The following TRIM45 variants were observed in gnomAD, a reference collection of about 807,000 sequenced individuals.
TRIM45 encodes E3 ubiquitin-protein ligase TRIM45.
A neutral mutation model predicts 46.7 loss-of-function variants in TRIM45; 45 were observed. The observed-to-expected ratio is 0.96, with a 90% CI of 0.76 to 1.24. The LOEUF (loss-of-function observed/expected upper bound fraction) is 1.24, where lower values mean the gene tolerates loss of function less well. Among genes scored for constraint, TRIM45 ranks in the 50% most tolerant of loss-of-function variants. The pLI is 0.00. For missense variants in TRIM45, 680 were observed against 728.4 expected, an observed-to-expected ratio of 0.93 and a Z score of 0.77; for synonymous variants, 259 against 285.8, an observed-to-expected ratio of 0.91 and a Z score of 0.94.
chr1:117,115,612 T>C lies in TRIM45; in HGVS notation c.1430A>G (p.Tyr477Cys), dbSNP rs1281229168. Residue 477 changes from tyrosine to cysteine, a missense_variant, in exon 4 of 6, where the codon TAT becomes TGT. Tyr to Cys is a radical substitution (Grantham distance 194). Around this residue, in one of 3 missense-constraint regions of TRIM45, gnomAD observed 322 missense variants for 359.3 expected, o/e 0.90. Coordinates refer to ENST00000256649, the MANE Select transcript of TRIM45 (RefSeq NM_025188.4). This position sits in a 1 kb window ranked among gnomAD's most constrained non-coding sequence, Gnocchi z 4.2. ...ISYTPKEPGV[Y>C]TVWVCIKEQH... ...TTCTTTGATGCAGACCCACACAGTATAGACGCCAGGTTCCTTGGGGGTGTA... is the reference window on the plus strand; with the variant it reads ...TTCTTTGATGCAGACCCACACAGTACAGACGCCAGGTTCCTTGGGGGTGTA... The C allele has an allele frequency of 1.5e-5, 25 of 1,614,062 alleles. No individual in the cohort carries two copies. The highest frequency in any genetic ancestry group is 2.1e-5 in the Non-Finnish European group (25 of 1,180,026).
chr1:117,111,928 C>G lies in TRIM45; in HGVS notation c.*377G>C, dbSNP rs934790232. On this transcript the variant is annotated 3_prime_UTR_variant, in exon 6 of 6. Coordinates refer to ENST00000256649, the MANE Select transcript of TRIM45 (RefSeq NM_025188.4). ...TGCCACTGCACTCCAGCCTGGGTGA[C>G]AGAGTGAGACTCTGTCTTTAAAAAA... 1.5e-5 allele frequency: 2 copies of G among 135,548 alleles called. No homozygotes were observed. Among genetic ancestry groups the G allele is most frequent in the Non-Finnish European group, 3.1e-5 (2 of 65,242 alleles). The allele number at this position is 135,548 out of a possible 1,614,324, so 8.4% of individuals were successfully genotyped here.
Position 117,121,343 on chromosome 1 carries a change from G to A in TRIM45, c.-142C>T. ...GACTCCCTCGCTGACAAATAAAAGG[G>A]CAGACGGGAAGACGAGGCGTCCTCG... On this transcript the variant is annotated 5_prime_UTR_variant, in exon 1 of 6. Coordinates refer to ENST00000256649, the MANE Select transcript of TRIM45 (RefSeq NM_025188.4). The surrounding 1 kb of genome is among the most constrained non-coding windows in gnomAD (Gnocchi z 4.2). 1 of 1,056,730 alleles carries A rather than the reference G, an allele frequency of 9.5e-7. No individual in the cohort carries two copies. Among genetic ancestry groups the A allele is most frequent in the Non-Finnish European group, 1.3e-6 (1 of 744,180 alleles). 65.5% of individuals were successfully genotyped at this position (1,056,730 alleles called of 1,614,324 possible).
In TRIM45 at chr1:117,111,659, A is replaced by G. The variant is rs1162320876; in HGVS notation, c.*646T>C. Reference sequence around the variant, plus strand: ...AGAGAAAAATGAAAAAGGTCATAATAGGCCAGGTGTGGTGGCTCATGCTTG... The same window carrying G: ...AGAGAAAAATGAAAAAGGTCATAATGGGCCAGGTGTGGTGGCTCATGCTTG... On this transcript the variant is annotated 3_prime_UTR_variant, in exon 6 of 6. Coordinates refer to ENST00000256649, the MANE Select transcript of TRIM45 (RefSeq NM_025188.4). 6.6e-6 allele frequency: 1 copy of G among 152,198 alleles called. No individual in the cohort carries two copies. Among genetic ancestry groups the G allele is most frequent in the Non-Finnish European group, 1.5e-5 (1 of 68,048 alleles). The allele number at this position is 152,198 out of a possible 1,614,324, so 9.4% of individuals were successfully genotyped here.
Position 117,113,704 on chromosome 1 carries a change from A to G in TRIM45, c.1468-219T>C, listed in dbSNP as rs1650304331. Among the ~76,000 whole-genome samples, 1 of 152,228 alleles carries G rather than the reference A, an allele frequency of 6.6e-6. No homozygotes were observed. The highest frequency in any genetic ancestry group is 2.4e-5 in the African/African-American group (1 of 41,460). Reference sequence around the variant, plus strand: ...ATCACAGGGTCTATGCAGCCCTCCTACCATGCTTTTCACCGCAGATGCTAA... The same window carrying G: ...ATCACAGGGTCTATGCAGCCCTCCTGCCATGCTTTTCACCGCAGATGCTAA... On this transcript the variant is annotated intron_variant, in intron 4 of 5. Coordinates refer to ENST00000256649, the MANE Select transcript of TRIM45 (RefSeq NM_025188.4). The surrounding 1 kb of genome is among the most constrained non-coding windows in gnomAD (Gnocchi z 4.0).
rs1650238075 is a variant in TRIM45 at position 117,112,168 on chromosome 1, G to A, written c.*137C>T. On this transcript the variant is annotated 3_prime_UTR_variant, in exon 6 of 6. Coordinates refer to ENST00000256649, the MANE Select transcript of TRIM45 (RefSeq NM_025188.4). ...TACAATCAGTGAATAACTAACAAAA[G>A]AGCACTTGAACTCCAGTGCAAGATA... 2.3e-6 allele frequency: 2 copies of A among 872,084 alleles called. No individual in the cohort carries two copies. Among genetic ancestry groups the A allele is most frequent in the Non-Finnish European group, 1.6e-6 (1 of 632,254 alleles). The allele number at this position is 872,084 out of a possible 1,614,324, so 54.0% of individuals were successfully genotyped here.
upstream of TRIM45, chr1:117,121,858 T>TA (rs1557850116): frequency 1.4e-6 from 1 of 714,816 alleles, no homozygotes; most frequent in South Asian, 1.5e-5. This position sits in a 1 kb window ranked among gnomAD's most constrained non-coding sequence, Gnocchi z 4.2. Context: ...GTGACGCCAC[T>TA]AAGCATCCAA....
upstream of TRIM45, chr1:117,122,531 G>C (rs192346485): frequency 6.6e-6 from 1 of 152,332 alleles, no homozygotes; most frequent in South Asian, 2.1e-4. Context: ...GGTCCGGGGG[G>C]AGTGCAGATG....
In TRIM45 at chr1:117,121,528, C is replaced by G. The variant is rs1650633466; in HGVS notation, c.-327G>C. ...TGCTGCCAACAAAGTCACCCCTGCA[C>G]CTCTCGCTCCCTCCACTGCCACCCC... On this transcript the variant is annotated 5_prime_UTR_variant, in exon 1 of 6. Coordinates refer to ENST00000256649, the MANE Select transcript of TRIM45 (RefSeq NM_025188.4). This position sits in a 1 kb window ranked among gnomAD's most constrained non-coding sequence, Gnocchi z 4.2. 1 of 536,738 alleles carries G rather than the reference C, an allele frequency of 1.9e-6. No homozygotes were observed. Among genetic ancestry groups the G allele is most frequent in the African/African-American group, 2.0e-5 (1 of 50,030 alleles). The allele number at this position is 536,738 out of a possible 1,614,324, so 33.2% of individuals were successfully genotyped here.
At chr1:117,123,791 G>A (rs145849284), upstream of TRIM45, among the ~76,000 whole-genome samples, 2,247 of 152,110 alleles carry the variant, frequency 0.015, 24 homozygotes, top group Non-Finnish European at 0.024. Flanking sequence ...CACCACACCT[G>A]GCTAATTTTT....
intron 4 of TRIM45, among the ~76,000 whole-genome samples, chr1:117,114,922 C>A (rs983145402): frequency 6.6e-6 from 1 of 152,184 alleles, no homozygotes; most frequent in Non-Finnish European, 1.5e-5. Flanking sequence ...TCTGACTACT[C>A]CAATGTCAGC....
rs752437930 is a variant in TRIM45 at position 117,113,405 on chromosome 1, G to A, written c.1548C>T (p.Ser516=). The part of the protein sequence containing the change: ...GVFHCCTFCS[S]GGQKTARCAC... ...CGCAGCGAGCGGTTTTCTGGCCCCC[G>A]CTGGAGCAGAAGGTGCAGCAGTGAA... Residue 516 remains serine (S), a synonymous_variant, in exon 5 of 6, where the codon AGC becomes AGT. Transcript: ENST00000256649. This position sits in a 1 kb window ranked among gnomAD's most constrained non-coding sequence, Gnocchi z 4.0. The A allele has an allele frequency of 2.2e-5, 36 of 1,612,238 alleles. No individual in the cohort carries two copies. The highest frequency in any genetic ancestry group is 4.3e-4 in the Middle Eastern group (2 of 4,652).
chr1:117,115,445 T>C lies in TRIM45; in HGVS notation c.1467+130A>G. 1.5e-6 allele frequency: 1 copy of C among 683,040 alleles called. No homozygotes were observed. The highest frequency in any genetic ancestry group is 2.0e-5 in the South Asian group (1 of 50,332). The allele number at this position is 683,040 out of a possible 1,614,324, so 42.3% of individuals were successfully genotyped here. Reference sequence around the variant, plus strand: ...ATAAGAGTAGCAAAATCTGGGCTGTTTCTAAAGTGAAGAAGAAGACATGGG... The same window carrying C: ...ATAAGAGTAGCAAAATCTGGGCTGTCTCTAAAGTGAAGAAGAAGACATGGG... On this transcript the variant is annotated intron_variant, in intron 4 of 5. Transcript: ENST00000256649. This position sits in a 1 kb window ranked among gnomAD's most constrained non-coding sequence, Gnocchi z 4.2.
At position 117,118,413 on chromosome 1, in the gene TRIM45, C is replaced by G. The variant is rs373143612; in HGVS notation, c.843G>C (p.Ser281=). 6 of 1,614,018 alleles carry G rather than the reference C, an allele frequency of 3.7e-6. No homozygotes were observed. In the African/African-American group the frequency reaches 6.7e-5, roughly 18 times the overall value. The change falls in exon 2 of 6, where the codon TCG becomes TCC. Residue 281 remains serine, a synonymous_variant. Coordinates refer to ENST00000256649, the MANE Select transcript of TRIM45 (RefSeq NM_025188.4). The surrounding 1 kb of genome is among the most constrained non-coding windows in gnomAD (Gnocchi z 5.7). ...CCTCAATGGCCTTAATGTAGCCCTC[C>G]GAGAATGTCCGGACATCAGCTGCCA... ...EAVAADVRTF[S]EGYIKAIEEH... is the part of the protein sequence containing the mutation.
In TRIM45 at chr1:117,117,274, A is replaced by AACT. The variant is rs1036529693; in HGVS notation, c.1223-532_1223-530dup. The stretch of plus-strand genomic sequence containing the variant: ...AGGGTTTCTTAACCTGAGGTTCATG[A>AACT]ACTACTATGAGGTCTATGGAAAGGC... On this transcript the variant is annotated intron_variant, in intron 2 of 5. Transcript: ENST00000256649. This position sits in a 1 kb window ranked among gnomAD's most constrained non-coding sequence, Gnocchi z 4.9. Among the ~76,000 whole-genome samples, 4 of 152,166 alleles carry AACT rather than the reference A, an allele frequency of 2.6e-5. No individual in the cohort carries two copies. The highest frequency in any genetic ancestry group is 9.7e-5 in the African/African-American group (4 of 41,432).
At position 117,116,764 on chromosome 1, in the gene TRIM45, C is replaced by T. The variant is rs774962621; in HGVS notation, c.1223-19G>A. On this transcript the variant is annotated intron_variant, in intron 2 of 5. Coordinates refer to ENST00000256649, the MANE Select transcript of TRIM45 (RefSeq NM_025188.4). The surrounding 1 kb of genome is among the most constrained non-coding windows in gnomAD (Gnocchi z 4.6). ...TGGAGGTCTGAAAAAGATAAACACTCGGTCCTCACCTCGAATGTAAACTGC... is the reference window on the plus strand; with the variant it reads ...TGGAGGTCTGAAAAAGATAAACACTTGGTCCTCACCTCGAATGTAAACTGC... 6.2e-6 allele frequency: 10 copies of T among 1,613,620 alleles called. No individual in the cohort carries two copies. Among genetic ancestry groups the T allele is most frequent in the African/African-American group, 1.3e-5 (1 of 74,892 alleles).
Position 117,118,804 on chromosome 1 carries a change from G to C in TRIM45, c.489-37C>G. 1 of 1,584,822 alleles carries C rather than the reference G, an allele frequency of 6.3e-7. No homozygotes were observed. Among genetic ancestry groups the C allele is most frequent in the Admixed American group, 1.7e-5 (1 of 57,310 alleles). ...CAGAATCAGTAACAGGAAATAAGGG[G>C]ATAATTCTGTTGGGAATAGTTGGGC... On this transcript the variant is annotated intron_variant, in intron 1 of 5. Coordinates refer to ENST00000256649, the MANE Select transcript of TRIM45 (RefSeq NM_025188.4). The surrounding 1 kb of genome is among the most constrained non-coding windows in gnomAD (Gnocchi z 5.7).
At chr1:117,114,480 T>C (rs1270680943) in intron 4 of TRIM45, among the ~76,000 whole-genome samples, 2 of 152,204 alleles carry the variant, frequency 1.3e-5, no homozygotes, top group Non-Finnish European at 2.9e-5. Flanking sequence ...ATTTAATAAG[T>C]TGCAATGTGC....
chr1:117,121,648 C>T lies in TRIM45; in HGVS notation c.-447G>A. On this transcript the variant is annotated 5_prime_UTR_variant, in exon 1 of 6. Coordinates refer to ENST00000256649, the MANE Select transcript of TRIM45 (RefSeq NM_025188.4). This position sits in a 1 kb window ranked among gnomAD's most constrained non-coding sequence, Gnocchi z 4.2. ...GGGGCCCTCTTGCTCCTTCCCTCTGCGAAAGGCGCGCGCCGGGTGAGGGAA... is the reference window on the plus strand; with the variant it reads ...GGGGCCCTCTTGCTCCTTCCCTCTGTGAAAGGCGCGCGCCGGGTGAGGGAA... 1 of 546,040 alleles carries T rather than the reference C, an allele frequency of 1.8e-6. No homozygotes were observed. The highest frequency in any genetic ancestry group is 2.2e-5 in the South Asian group (1 of 45,068). 33.8% of individuals were successfully genotyped at this position (546,040 alleles called of 1,614,324 possible). A position where few individuals can be genotyped will look rare whatever the true frequency, so the allele number is the denominator to read the frequency against.
intron 5 of TRIM45, among the ~76,000 whole-genome samples, chr1:117,112,890 A>T (rs1176828905): frequency 1.3e-5 from 2 of 152,140 alleles, no homozygotes; most frequent in Non-Finnish European, 2.9e-5. Context: ...AGGACACAAT[A>T]ATTTTTTTTT....
Sources: allele counts gnomAD v4.1 joint callset (sites outside exome capture counted in the v4.1 genomes callset), GRCh38; gene constraint gnomAD v4.1.1; regional missense constraint gnomAD v4.1.1; non-coding constraint Gnocchi (gnomAD v3.1); transcripts MANE v1.5; gene names NCBI Gene and HGNC (gene_info 2026-07-23, HGNC 2026-07-21).